The following FAT3 variants were observed in gnomAD, a reference collection of about 807,000 sequenced individuals.
FAT3 encodes the protein FAT atypical cadherin 3.
Under a neutral mutation model 310.2 loss-of-function variants are expected in FAT3, and 95 were observed. The observed-to-expected ratio is 0.31, with a 90% CI of 0.26 to 0.36. The LOEUF (loss-of-function observed/expected upper bound fraction) is 0.36. Ranked by LOEUF, FAT3 falls within the 10% of genes least tolerant of loss-of-function variation. FAT3 has a pLI of 1.00. For synonymous variants in FAT3, 2,314 were observed against 2,192.9 expected, an observed-to-expected ratio of 1.06 and a Z score of -1.54; for missense variants, 5,408 against 5,715.6, an observed-to-expected ratio of 0.95 and a Z score of 1.74.
At chr11:92,622,737 A>G (rs531744992) in intron 3 of FAT3, among the ~76,000 whole-genome samples, 1 of 152,322 alleles carries the variant, frequency 6.6e-6, no homozygotes, top group Admixed American at 6.5e-5. Flanking sequence ...TTGCACGGTC[A>G]CAGAGAGTTC....
At chr11:92,287,456 T>G (rs1005051906) in intron 1 of FAT3, among the ~76,000 whole-genome samples, 4 of 152,158 alleles carry the variant, frequency 2.6e-5, no homozygotes, top group African/African-American at 9.6e-5. Context: ...TTATAACTGC[T>G]CTGTTTCTAC....
rs185725535 is a variant in FAT3, at chr11:92,519,440, C to T, written c.3293-5194C>T. On this transcript the variant is annotated intron_variant, in intron 2 of 27. Transcript: ENST00000525166. ...CTAAGACTATTAGACCAGAAGAAAA[C>T]ACAGGACAAAATTTTTATGACTTTG... Among the ~76,000 whole-genome samples the T allele has an allele frequency of 2.8e-3, 432 of 152,042 alleles. 1 individual carries two copies. The highest frequency in any genetic ancestry group is 9.8e-3 in the African/African-American group (406 of 41,510).
intron 1 of FAT3, among the ~76,000 whole-genome samples, chr11:92,338,571 G>C (rs903006688): frequency 1.3e-5 from 2 of 152,116 alleles, no homozygotes; most frequent in African/African-American, 4.8e-5. Flanking sequence ...GAAGGCCTGG[G>C]AGGCTGTGGT....
intron 3 of FAT3, among the ~76,000 whole-genome samples, chr11:92,622,857 C>T (rs989488738): frequency 8.5e-5 from 13 of 152,298 alleles, no homozygotes; most frequent in African/African-American, 3.1e-4. Context: ...CTATAAGACA[C>T]TTGGCTGCCA....
chr11:92,635,871 C>G (rs541126522), intron 3 of FAT3, among the ~76,000 whole-genome samples: 1 of 152,262 alleles, frequency 6.6e-6, no homozygotes, highest in East Asian at 1.9e-4. Flanking sequence ...CTTATGAAAA[C>G]TATATTGGGT....
At chr11:92,585,931 C>T (rs1352091292) in intron 3 of FAT3, among the ~76,000 whole-genome samples, 2 of 151,876 alleles carry the variant, frequency 1.3e-5, no homozygotes, top group African/African-American at 4.8e-5. Flanking sequence ...TCCTTCCTTC[C>T]AGTCAAAAAT....
chr11:92,480,213 C>T (rs995027554), intron 2 of FAT3, among the ~76,000 whole-genome samples: 1 of 151,922 alleles, frequency 6.6e-6, no homozygotes, highest in East Asian at 1.9e-4. Context: ...TACCGCGAGC[C>T]GAGATGGCAC....
At chr11:92,882,362 G>A (rs1055094915) in intron 23 of FAT3, among the ~76,000 whole-genome samples, 1 of 152,154 alleles carries the variant, frequency 6.6e-6, no homozygotes, top group Non-Finnish European at 1.5e-5. Context: ...TTTAAATTCT[G>A]AGATGCATCT....
intron 1 of FAT3, among the ~76,000 whole-genome samples, chr11:92,313,004 T>C (rs1392461469): frequency 1.3e-5 from 2 of 152,218 alleles, no homozygotes; most frequent in Non-Finnish European, 2.9e-5. Flanking sequence ...TGATAGCTGT[T>C]CTTTAAGTAC....
chr11:92,311,653 G>A (rs755830225), intron 1 of FAT3, among the ~76,000 whole-genome samples: 2 of 152,170 alleles, frequency 1.3e-5, no homozygotes, highest in Non-Finnish European at 2.9e-5. Flanking sequence ...GAAGCAATCT[G>A]GGTGAAAGGA....
intron 2 of FAT3, among the ~76,000 whole-genome samples, chr11:92,385,937 GGAGTTCAA>G (rs1387068103): frequency 6.6e-6 from 1 of 151,994 alleles, no homozygotes; most frequent in African/African-American, 2.4e-5. Context: ...CTTGAGTCCA[GGAGTTCAA>G]GACCAGCCTG....
chr11:92,460,151 T>A (rs1478957844), intron 2 of FAT3, among the ~76,000 whole-genome samples: 2 of 152,006 alleles, frequency 1.3e-5, no homozygotes, highest in East Asian at 3.9e-4. Context: ...GTAAAGCGAG[T>A]TCTGGGAAAT....
intron 3 of FAT3, among the ~76,000 whole-genome samples, chr11:92,604,857 C>A (rs1363187379): frequency 6.6e-6 from 1 of 152,198 alleles, no homozygotes; most frequent in Non-Finnish European, 1.5e-5. Context: ...CTGGGTTCAT[C>A]TGTGGGCTCT....
chr11:92,402,774 A>C (rs1460977472), intron 2 of FAT3, among the ~76,000 whole-genome samples: 2 of 151,412 alleles, frequency 1.3e-5, no homozygotes, highest in African/African-American at 4.8e-5. Flanking sequence ...ACTTTCCAAC[A>C]TTAATAATAG....
chr11:92,554,293 T>C (rs1249682823), intron 3 of FAT3, among the ~76,000 whole-genome samples: 1 of 151,542 alleles, frequency 6.6e-6, no homozygotes, highest in Non-Finnish European at 1.5e-5. Flanking sequence ...AAACCCTGTC[T>C]CTACTAAAAA....
At chr11:92,244,572 C>T (rs925929256) in intron 1 of FAT3, among the ~76,000 whole-genome samples, 19 of 152,194 alleles carry the variant, frequency 1.2e-4, no homozygotes, top group Admixed American at 5.9e-4. Context: ...GTGCATGCAT[C>T]GGTGGTACCT....
At chr11:92,647,233 G>T (rs560315415) in intron 3 of FAT3, among the ~76,000 whole-genome samples, 2 of 152,080 alleles carry the variant, frequency 1.3e-5, no homozygotes, top group African/African-American at 4.8e-5. Flanking sequence ...ACTCAGTTGA[G>T]CAACTTAGAA....
At chr11:92,546,363 G>A (rs1954619248) in intron 3 of FAT3, among the ~76,000 whole-genome samples, 1 of 152,234 alleles carries the variant, frequency 6.6e-6, no homozygotes, top group Non-Finnish European at 1.5e-5. Context: ...TTCTCTCTGG[G>A]ATTTGTTTTC....
intron 1 of FAT3, among the ~76,000 whole-genome samples, chr11:92,235,465 C>T (rs1251920312): frequency 4.6e-5 from 7 of 152,184 alleles, no homozygotes; most frequent in Non-Finnish European, 8.8e-5. Flanking sequence ...GTCTCTTTCT[C>T]CCATAGGCCA....
Sources: allele counts gnomAD v4.1 joint callset (sites outside exome capture counted in the v4.1 genomes callset), GRCh38; gene constraint gnomAD v4.1.1; transcripts MANE v1.5; gene names NCBI Gene and HGNC (gene_info 2026-07-23, HGNC 2026-07-21).